BIRC3: variants seen among roughly 807,000 people sequenced by gnomAD.
BIRC3 encodes baculoviral IAP repeat-containing protein 3.
A neutral mutation model predicts 59.0 loss-of-function variants in BIRC3; 26 were observed. The ratio of observed to expected loss-of-function variants is 0.44; its 90% CI spans 0.32 to 0.61. The LOEUF is 0.61. BIRC3 is among the 20% of genes least tolerant of loss of function. The pLI is 0.04. For synonymous variants in BIRC3, 243 were observed against 249.2 expected (o/e 0.98, Z 0.24); for missense variants, 641 against 711.5 (o/e 0.90, Z 1.13).
chr11:102,320,861 G>C (rs2135781414), intron 1 of BIRC3, among the ~76,000 whole-genome samples: 1 of 152,328 alleles, frequency 6.6e-6, no homozygotes, highest in Non-Finnish European at 1.5e-5. Flanking sequence ...CCCAGTGTCA[G>C]GGAATCAAAG....
chr11:102,328,023 C>A (rs1379348377), intron 3 of BIRC3, 29 bp from the exon 4 acceptor site: 1 of 1,514,218 alleles, frequency 6.6e-7, no homozygotes, highest in South Asian at 1.2e-5. Flanking sequence ...ATAAATAATC[C>A]CTCAAATTTT....
At position 102,328,150 on chromosome 11, in the gene BIRC3, T is replaced by A. The variant is rs749426313; in HGVS notation, c.1032+20T>A. ...GAACAGGTAGGGCAAGTTCTTTTTTTAAATATTGGTTGCCATCAGAGAAAT... is the reference window on the plus strand; with the variant it reads ...GAACAGGTAGGGCAAGTTCTTTTTTAAAATATTGGTTGCCATCAGAGAAAT... On this transcript the variant is annotated intron_variant, in intron 4 of 8. Coordinates refer to ENST00000263464, the MANE Select transcript of BIRC3 (RefSeq NM_001165.5). The A allele has an allele frequency of 1.3e-6, 2 of 1,590,274 alleles. No individual in the cohort carries two copies. Among genetic ancestry groups the A allele is most frequent in the Non-Finnish European group, 1.7e-6 (2 of 1,164,618 alleles).
In BIRC3 at chr11:102,336,533, C is replaced by G. The variant is rs998691101; in HGVS notation, c.1580-227C>G. 3 of 579,946 alleles carry G rather than the reference C, an allele frequency of 5.2e-6. No homozygotes were observed. The African/African-American group carries it at 5.7e-5, about 11-fold the overall frequency. The allele number at this position is 579,946 out of a possible 1,614,324, so 35.9% of individuals were successfully genotyped here. ...GGCTTAAGCCTGAGAGATAGAGGCT[C>G]CCATGAGCTGTGATTGTGCCACTGC... On this transcript the variant is annotated intron_variant, in intron 7 of 8. Transcript: ENST00000263464.
intron 6 of BIRC3, among the ~76,000 whole-genome samples, chr11:102,334,011 G>A (rs1229141896): frequency 3.3e-5 from 5 of 152,120 alleles, no homozygotes; most frequent in Admixed American, 2.0e-4. Context: ...TTCTGAACTT[G>A]CAAACCAGAA....
At chr11:102,320,817 G>A (rs1951024499) in intron 1 of BIRC3, among the ~76,000 whole-genome samples, 1 of 152,234 alleles carries the variant, frequency 6.6e-6, no homozygotes, top group Non-Finnish European at 1.5e-5. Flanking sequence ...TTGCTAGACT[G>A]TTACTGTTAG....
At chr11:102,334,976 C>T (rs1334580486) in intron 6 of BIRC3, among the ~76,000 whole-genome samples, 2 of 152,256 alleles carry the variant, frequency 1.3e-5, no homozygotes, top group East Asian at 3.9e-4. Flanking sequence ...CATAATGGCT[C>T]ACACTTGTAA....
chr11:102,337,471 G>T lies in BIRC3; in HGVS notation c.*369G>T, dbSNP rs1232408187. ...CGGGAACATGAAGCCAGGTGTGGTG[G>T]TATGTGCCTGTAGTCCCAGGCTGAG... On this transcript the variant is annotated 3_prime_UTR_variant, in exon 9 of 9. Transcript: ENST00000263464. 3 of 396,982 alleles carry T rather than the reference G, an allele frequency of 7.6e-6. No individual in the cohort carries two copies. Among genetic ancestry groups the T allele is most frequent in the Admixed American group, 4.4e-5 (1 of 22,612 alleles). 24.6% of individuals were successfully genotyped at this position (396,982 alleles called of 1,614,324 possible).
intron 1 of BIRC3, among the ~76,000 whole-genome samples, chr11:102,318,951 A>G (rs1055542672): frequency 6.6e-6 from 1 of 152,208 alleles, no homozygotes; most frequent in Non-Finnish European, 1.5e-5. Context: ...AAATGGAGAC[A>G]TTAACCATAC....
chr11:102,330,228 G>T (rs985005870), intron 5 of BIRC3, among the ~76,000 whole-genome samples: 3 of 152,172 alleles, frequency 2.0e-5, no homozygotes, highest in African/African-American at 7.2e-5. Flanking sequence ...ATGAAAGACC[G>T]AAGTGACAAA....
intron 1 of BIRC3, among the ~76,000 whole-genome samples, chr11:102,318,489 C>T (rs1950996450): frequency 6.6e-6 from 1 of 152,206 alleles, no homozygotes; most frequent in African/African-American, 2.4e-5. Context: ...ATATACCAAG[C>T]TCTGCAGATG....
chr11:102,331,152 T>C lies in BIRC3; in HGVS notation c.1235T>C (p.Leu412Pro). 1.2e-6 allele frequency: 2 copies of C among 1,613,758 alleles called. No homozygotes were observed. The highest frequency in any genetic ancestry group is 1.7e-6 in the Non-Finnish European group (2 of 1,179,838). The stretch of plus-strand genomic sequence containing the variant: ...CTAGCAACTGGAGAGAATTATAGAC[T>C]AGTCAATGATCTTGTGTTAGACTTA... The part of the protein sequence containing the change: ...KILATGENYR[L>P]VNDLVLDLLN... Residue 412 changes from leucine (L) to proline (P), a missense_variant, in exon 6 of 9, where the codon CTA becomes CCA. By Grantham distance (98) the Leu-to-Pro change is moderately conservative. Around this residue, in one of 4 missense-constraint regions of BIRC3, gnomAD observed 268 missense variants for 255.7 expected, o/e 1.05. Coordinates refer to ENST00000263464, the MANE Select transcript of BIRC3 (RefSeq NM_001165.5).
At chr11:102,318,350 C>T (rs1033989777) in intron 1 of BIRC3, among the ~76,000 whole-genome samples, 4 of 152,284 alleles carry the variant, frequency 2.6e-5, no homozygotes, top group Non-Finnish European at 1.5e-5. Context: ...CGATGTCTGA[C>T]TCCAAAGCCT....
Position 102,324,606 on chromosome 11 carries a change from A to G in BIRC3, c.97A>G (p.Met33Val). The G allele has an allele frequency of 1.2e-6, 2 of 1,614,172 alleles. No individual in the cohort carries two copies. The highest frequency in any genetic ancestry group is 1.7e-6 in the Non-Finnish European group (2 of 1,180,004). Residue 33 changes from methionine to valine, a missense_variant, in exon 2 of 9, where the codon ATG becomes GTG. By Grantham distance (21) the Met-to-Val change is conservative. Coordinates refer to ENST00000263464, the MANE Select transcript of BIRC3 (RefSeq NM_001165.5). ...CGACTTGTCATGTGAACTGTACCGAATGTCTACGTATTCCACTTTTCCTGC... is the reference window on the plus strand; with the variant it reads ...CGACTTGTCATGTGAACTGTACCGAGTGTCTACGTATTCCACTTTTCCTGC... Reference protein sequence around the residue: ...KYDLSCELYRMSTYSTFPAGV... With the variant: ...KYDLSCELYRVSTYSTFPAGV...
chr11:102,325,213 T>G lies in BIRC3; in HGVS notation c.704T>G (p.Ile235Arg). The change falls in exon 2 of 9, where the codon ATA becomes AGA. Residue 235 changes from isoleucine (I) to arginine (R), a missense_variant. By Grantham distance (97) the Ile-to-Arg change is moderately conservative (BLOSUM62 -3). Transcript: ENST00000263464. ...AGACATTTTCCCAAATGCCCATTTA[T>G]AGAAAATCAGCTTCAAGACACTTCA... The part of the protein sequence containing the change: ...HLRHFPKCPF[I>R]ENQLQDTSRY... The G allele has an allele frequency of 6.2e-7, 1 of 1,614,122 alleles. No individual in the cohort carries two copies. Among genetic ancestry groups the G allele is most frequent in the Non-Finnish European group, 8.5e-7 (1 of 1,180,004 alleles).
Position 102,322,205 on chromosome 11 carries a change from T to C in BIRC3, c.-2305T>C, listed in dbSNP as rs1399491645. Reference sequence around the variant, plus strand: ...TGTAGAATAGAAATAGTACCTGTGTTTGGGAAAGATTTTAAAATGAGTGAC... The same window carrying C: ...TGTAGAATAGAAATAGTACCTGTGTCTGGGAAAGATTTTAAAATGAGTGAC... On this transcript the variant is annotated 5_prime_UTR_variant, in exon 2 of 9. Transcript: ENST00000263464. The C allele has an allele frequency of 9.7e-6, 2 of 206,214 alleles. No individual in the cohort carries two copies. The highest frequency in any genetic ancestry group is 1.2e-4 in the Admixed American group (2 of 16,832). 12.8% of individuals were successfully genotyped at this position (206,214 alleles called of 1,614,324 possible).
In BIRC3 at chr11:102,325,159, C is replaced by G. The variant is rs768158423; in HGVS notation, c.650C>G (p.Pro217Arg). The G allele has an allele frequency of 5.6e-6, 9 of 1,614,046 alleles. No homozygotes were observed. The highest frequency in any genetic ancestry group is 6.8e-6 in the Non-Finnish European group (8 of 1,180,006). The stretch of plus-strand genomic sequence containing the variant: ...GGTGGAAAATTGAGCAATTGGGAAC[C>G]GAAGGATAATGCTATGTCAGAACAC... ...ACGGKLSNWE[P>R]KDNAMSEHLR... Residue 217 changes from proline (P) to arginine (R), a missense_variant, in exon 2 of 9, where the codon CCG (proline) becomes CGG (arginine). Coordinates refer to ENST00000263464, the MANE Select transcript of BIRC3 (RefSeq NM_001165.5).
chr11:102,335,338 T>G (rs1172415691), intron 6 of BIRC3, among the ~76,000 whole-genome samples: 2 of 152,262 alleles, frequency 1.3e-5, no homozygotes, highest in Non-Finnish European at 2.9e-5. Context: ...TTCCCCAATT[T>G]GACTAGATTG....
chr11:102,334,199 C>G (rs1236766096), intron 6 of BIRC3, among the ~76,000 whole-genome samples: 1 of 152,046 alleles, frequency 6.6e-6, no homozygotes, highest in East Asian at 1.9e-4. Context: ...TCTAATATAT[C>G]CCTACTTTGC....
At chr11:102,317,847 T>C (rs1950986449) in intron 1 of BIRC3, among the ~76,000 whole-genome samples, 1 of 152,204 alleles carries the variant, frequency 6.6e-6, no homozygotes, top group Non-Finnish European at 1.5e-5. Context: ...GTTGTGGCAT[T>C]TTGATTCGGT....
Sources: allele counts gnomAD v4.1 joint callset (sites outside exome capture counted in the v4.1 genomes callset), GRCh38; gene constraint gnomAD v4.1.1; regional missense constraint gnomAD v4.1.1; transcripts MANE v1.5; gene names NCBI Gene and HGNC (gene_info 2026-07-23, HGNC 2026-07-21).